PLCD4: variants seen among roughly 807,000 people sequenced by gnomAD.
The protein encoded by PLCD4 is 1-phosphatidylinositol 4,5-bisphosphate phosphodiesterase delta-4.
In PLCD4, 63 loss-of-function variants were observed where a neutral mutation model predicts 90.2. The observed-to-expected ratio is 0.70, with a 90% confidence interval of 0.57 to 0.86. The LOEUF is 0.86. Ranked by LOEUF, PLCD4 falls within the 40% of genes least tolerant of loss-of-function variation. The pLI is 0.00. For synonymous variants in PLCD4, 294 were observed against 356.5 expected, an observed-to-expected ratio of 0.82 and a Z score of 1.97; for missense variants, 830 against 956.3, an observed-to-expected ratio of 0.87 and a Z score of 1.74.
intron 6 of PLCD4, among the ~76,000 whole-genome samples, chr2:218,627,405 A>G (rs946598188): frequency 6.6e-6 from 1 of 152,104 alleles, no homozygotes; most frequent in Admixed American, 6.5e-5. Context: ...CTGCAGAATA[A>G]AACGTTTTTC....
In PLCD4 at chr2:218,621,496, G is replaced by A. The variant is rs938394736; in HGVS notation, c.437G>A (p.Gly146Glu). ...TGGCTGAGCGATTGGTTTCAACGTG[G>A]AGACAAAAATCAGGATGGTAAGATG... ...DQWLSDWFQR[G>E]DKNQDGKMSF... The change falls in exon 5 of 16, where the codon GGA becomes GAA. Residue 146 changes from glycine to glutamate, a missense_variant. Transcript: ENST00000450993. The A allele has an allele frequency of 3.1e-6, 5 of 1,613,982 alleles. No homozygotes were observed. Among genetic ancestry groups the A allele is most frequent in the Non-Finnish European group, 4.2e-6 (5 of 1,179,852 alleles).
At chr2:218,629,020 A>C (rs374564838) in intron 7 of PLCD4, 1 of 154,950 alleles carries the variant, frequency 6.5e-6, no homozygotes, top group African/African-American at 2.4e-5. Context: ...GTTCGAGACC[A>C]GGCTGGGCAA....
At chr2:218,611,841 C>T (rs1227734709) in intron 1 of PLCD4, among the ~76,000 whole-genome samples, 1 of 152,178 alleles carries the variant, frequency 6.6e-6, no homozygotes, top group East Asian at 1.9e-4. Context: ...TCAAGTGATC[C>T]ACCTGCCTCA....
At chr2:218,624,481 T>C (rs1696015511) in intron 6 of PLCD4, among the ~76,000 whole-genome samples, 1 of 152,120 alleles carries the variant, frequency 6.6e-6, no homozygotes, top group South Asian at 2.1e-4. Context: ...CCCAGCACTT[T>C]GGGAGACCGG....
At chr2:218,620,487 T>A (rs962379981) in intron 4 of PLCD4, among the ~76,000 whole-genome samples, 1 of 151,238 alleles carries the variant, frequency 6.6e-6, no homozygotes, top group African/African-American at 2.4e-5. Flanking sequence ...GTCGACAGAG[T>A]TAGACTCTGT....
At position 218,636,303 on chromosome 2, in the gene PLCD4, T is replaced by C; in HGVS notation, c.2093T>C (p.Met698Thr). The change falls in exon 15 of 16, where the codon ATG becomes ACG. Residue 698 changes from methionine to threonine, a missense_variant. By Grantham distance (81) the Met-to-Thr change is moderately conservative. Coordinates refer to ENST00000450993, the MANE Select transcript of PLCD4 (RefSeq NM_032726.4). ...CFRVLVPELA[M>T]LRFVVMDYDW... ...CGGGTGCTGGTGCCTGAACTTGCCATGCTGCGTTTTGTGGTAATGGATTAT... is the reference window on the plus strand; with the variant it reads ...CGGGTGCTGGTGCCTGAACTTGCCACGCTGCGTTTTGTGGTAATGGATTAT... The C allele has an allele frequency of 6.2e-7, 1 of 1,614,062 alleles. No individual in the cohort carries two copies. The highest frequency in any genetic ancestry group is 8.5e-7 in the Non-Finnish European group (1 of 1,179,898).
chr2:218,616,257 T>C (rs1386859073), intron 3 of PLCD4, among the ~76,000 whole-genome samples, 195 bp downstream of exon 3: 2 of 152,198 alleles, frequency 1.3e-5, no homozygotes, highest in Non-Finnish European at 2.9e-5. Context: ...AGTTATTGTA[T>C]ATAAAAGGCT....
At position 218,634,585 on chromosome 2, in the gene PLCD4, T is replaced by C. The variant is rs759597117; in HGVS notation, c.1851T>C (p.Pro617=). 6.2e-6 allele frequency: 10 copies of C among 1,613,928 alleles called. No homozygotes were observed. The highest frequency in any genetic ancestry group is 2.7e-5 in the African/African-American group (2 of 74,938). Reference sequence around the variant, plus strand: ...GTGATATCCAGAGTTCTTTCCACCCTGAGAAGCCCATCAGCCCTTTCAAAG... The same window carrying C: ...GTGATATCCAGAGTTCTTTCCACCCCGAGAAGCCCATCAGCCCTTTCAAAG... ...FLRDIQSSFH[P]EKPISPFKAQ... Residue 617 remains proline, a synonymous_variant, in exon 13 of 16, where the codon CCT becomes CCC. Coordinates refer to ENST00000450993, the MANE Select transcript of PLCD4 (RefSeq NM_032726.4). The surrounding 1 kb of genome is among the most constrained non-coding windows in gnomAD (Gnocchi z 4.0).
At chr2:218,626,056 C>A (rs1696102526) in intron 6 of PLCD4, among the ~76,000 whole-genome samples, 3 of 151,920 alleles carry the variant, frequency 2.0e-5, no homozygotes, top group South Asian at 4.1e-4. Context: ...GAGTTCAAGA[C>A]CAGCCTGGGC....
Position 218,632,161 on chromosome 2 carries a change from A to G in PLCD4, c.1298A>G (p.Lys433Arg). 1.2e-6 allele frequency: 2 copies of G among 1,609,550 alleles called. No homozygotes were observed. The highest frequency in any genetic ancestry group is 1.7e-6 in the Non-Finnish European group (2 of 1,178,230). Reference protein sequence around the residue: ...PEELRRKILVKGKKLTLEEDL... With the variant: ...PEELRRKILVRGKKLTLEEDL... ...GAGCTTCGGAGGAAGATCCTGGTGA[A>G]GGGGAAGAAGTTAACACTTGAGGAA... is the stretch of plus-strand genomic sequence containing the variant. The change falls in exon 10 of 16, where the codon AAG becomes AGG. Residue 433 changes from lysine (K) to arginine (R), a missense_variant. Lys to Arg is a conservative substitution (Grantham distance 26). Coordinates refer to ENST00000450993, the MANE Select transcript of PLCD4 (RefSeq NM_032726.4).
In PLCD4 at chr2:218,636,372, C is replaced by T; in HGVS notation, c.2162C>T (p.Pro721Leu). The change falls in exon 15 of 16, where the codon CCT becomes CTT. Residue 721 changes from proline to leucine, a missense_variant. Pro to Leu is a moderately conservative substitution (Grantham distance 98, BLOSUM62 -3). Transcript: ENST00000450993. ...RNDFIGQYTL[P>L]WTCMQQGYRH... Reference sequence around the variant, plus strand: ...GACTTTATTGGTCAGTACACCCTGCCTTGGACCTGCATGCAACAAGGTGAG... The same window carrying T: ...GACTTTATTGGTCAGTACACCCTGCTTTGGACCTGCATGCAACAAGGTGAG... The T allele has an allele frequency of 2.5e-6, 4 of 1,614,034 alleles. No homozygotes were observed. Among genetic ancestry groups the T allele is most frequent in the Non-Finnish European group, 2.5e-6 (3 of 1,179,906 alleles).
intron 1 of PLCD4, among the ~76,000 whole-genome samples, chr2:218,614,739 C>T (rs1224755157): frequency 1.3e-5 from 2 of 151,932 alleles, no homozygotes; most frequent in African/African-American, 4.8e-5. Context: ...GCGTGAGCCA[C>T]CGCACCCAGC....
chr2:218,636,693 C>G lies in PLCD4; in HGVS notation c.*116C>G. The G allele has an allele frequency of 8.9e-7, 1 of 1,119,080 alleles. No individual in the cohort carries two copies. Among genetic ancestry groups the G allele is most frequent in the Non-Finnish European group, 1.3e-6 (1 of 772,644 alleles). The allele number at this position is 1,119,080 out of a possible 1,614,324, so 69.3% of individuals were successfully genotyped here. ...AAAATCAAGCTTTGGATTGTGCATT[C>G]CTAGGCACAAAATTACCTCATTCTT... On this transcript the variant is annotated 3_prime_UTR_variant, in exon 16 of 16. Coordinates refer to ENST00000450993, the MANE Select transcript of PLCD4 (RefSeq NM_032726.4).
intron 4 of PLCD4, among the ~76,000 whole-genome samples, chr2:218,619,876 A>G (rs1278196468): frequency 6.6e-6 from 1 of 151,710 alleles, no homozygotes; most frequent in Admixed American, 6.6e-5. Context: ...GCACCATAAA[A>G]TACATTTTAT....
chr2:218,636,992 C>T lies in PLCD4; in HGVS notation c.*415C>T. The T allele has an allele frequency of 2.2e-6, 1 of 447,478 alleles. No homozygotes were observed. Among genetic ancestry groups the T allele is most frequent in the Middle Eastern group, 3.3e-4 (1 of 3,032 alleles). The allele number at this position is 447,478 out of a possible 1,614,324, so 27.7% of individuals were successfully genotyped here. A position where few individuals can be genotyped will look rare whatever the true frequency, so the allele number is the denominator to read the frequency against. Reference sequence around the variant, plus strand: ...GCATCATCCCCTCCATCCCCAACTTCCTCAAAGCCCAAAGCCAAGGGAAGG... The same window carrying T: ...GCATCATCCCCTCCATCCCCAACTTTCTCAAAGCCCAAAGCCAAGGGAAGG... On this transcript the variant is annotated 3_prime_UTR_variant, in exon 16 of 16. Coordinates refer to ENST00000450993, the MANE Select transcript of PLCD4 (RefSeq NM_032726.4).
In PLCD4 at chr2:218,615,967, C is replaced by T. The variant is rs778170643; in HGVS notation, c.86C>T (p.Ser29Phe). 1.9e-6 allele frequency: 3 copies of T among 1,614,030 alleles called. No individual in the cohort carries two copies. The highest frequency in any genetic ancestry group is 2.5e-6 in the Non-Finnish European group (3 of 1,179,900). The change falls in exon 3 of 16, where the codon TCC becomes TTC. Residue 29 changes from serine (S) to phenylalanine (F), a missense_variant. Coordinates refer to ENST00000450993, the MANE Select transcript of PLCD4 (RefSeq NM_032726.4). The part of the protein sequence containing the change: ...QEGMPMRKVR[S>F]KSWKKLRYFR... ...GGCATGCCGATGCGCAAGGTGAGGT[C>T]CAAAAGCTGGAAGAAGCTAAGATAC...
At chr2:218,628,006 G>C (rs1349056291) in intron 6 of PLCD4, 23 bp from the exon 7 acceptor site, 2 of 1,596,964 alleles carry the variant, frequency 1.3e-6, no homozygotes, top group East Asian at 2.2e-5. Flanking sequence ...TTCTCACCTA[G>C]TGTTCCCCTG....
chr2:218,630,375 C>A (rs1696308851), intron 8 of PLCD4, among the ~76,000 whole-genome samples: 1 of 152,144 alleles, frequency 6.6e-6, no homozygotes, highest in African/African-American at 2.4e-5. Context: ...AGCCTGAAAA[C>A]TCAAAGGTCC....
At chr2:218,631,198 C>G (rs1696344062) in intron 9 of PLCD4, among the ~76,000 whole-genome samples, 1 of 151,992 alleles carries the variant, frequency 6.6e-6, no homozygotes, top group Non-Finnish European at 1.5e-5. Flanking sequence ...GAGTTTCGCT[C>G]TTGTCGCCCA....
Sources: allele counts gnomAD v4.1 joint callset (sites outside exome capture counted in the v4.1 genomes callset), GRCh38; gene constraint gnomAD v4.1.1; non-coding constraint Gnocchi (gnomAD v3.1); transcripts MANE v1.5; gene names NCBI Gene and HGNC (gene_info 2026-07-23, HGNC 2026-07-21).